Variants in CADPS observed in about 807,000 individuals in gnomAD.
The protein encoded by CADPS is calcium-dependent secretion activator 1.
In CADPS, 57 loss-of-function variants were observed where a neutral mutation model predicts 167.3. That is an observed-to-expected ratio of 0.34 (90% confidence interval 0.28 to 0.42). CADPS has a LOEUF of 0.42. Among genes scored for constraint, CADPS ranks in the 20% least tolerant of loss-of-function variants. CADPS has a pLI of 1.00. For synonymous variants in CADPS, 676 were observed against 635.3 expected (o/e 1.06, Z -0.96); for missense variants, 1,414 against 1,738.1 (o/e 0.81, Z 3.32).
At chr3:62,516,837 G>A (rs2069108972) in intron 14 of CADPS, among the ~76,000 whole-genome samples, 194 bp from the exon 15 acceptor site, 1 of 152,078 alleles carries the variant, frequency 6.6e-6, no homozygotes, top group Non-Finnish European at 1.5e-5. Flanking sequence ...TGTGAATAAT[G>A]ACTAAAGAGG....
intron 28 of CADPS, among the ~76,000 whole-genome samples, chr3:62,409,403 G>A (rs983495967): frequency 1.3e-5 from 2 of 152,244 alleles, no homozygotes; most frequent in Non-Finnish European, 2.9e-5. Context: ...GCCTGAGCTT[G>A]GCTTGGTGTC....
At chr3:62,452,926 C>A (rs2058251830) in intron 26 of CADPS, among the ~76,000 whole-genome samples, 1 of 152,016 alleles carries the variant, frequency 6.6e-6, no homozygotes, top group South Asian at 2.1e-4. Flanking sequence ...CCAGCCTGGG[C>A]AAAATAGGGA....
intron 1 of CADPS, among the ~76,000 whole-genome samples, chr3:62,836,949 C>T (rs1175599764): frequency 2.6e-5 from 4 of 152,110 alleles, no homozygotes; most frequent in African/African-American, 9.7e-5. Context: ...ATCTTTCTAC[C>T]AATATAGATG....
intron 2 of CADPS, among the ~76,000 whole-genome samples, chr3:62,756,581 T>A (rs9631506): frequency 6.6e-6 from 1 of 152,050 alleles, no homozygotes; most frequent in African/African-American, 2.4e-5. Flanking sequence ...ATAATCCTAA[T>A]AATGCCATGC....
intron 10 of CADPS, among the ~76,000 whole-genome samples, chr3:62,555,184 C>T (rs1374112965): frequency 6.6e-6 from 1 of 152,222 alleles, no homozygotes; most frequent in Non-Finnish European, 1.5e-5. Flanking sequence ...GAAGAAGCTG[C>T]TTATTATTCT....
intron 3 of CADPS, among the ~76,000 whole-genome samples, chr3:62,738,375 C>G (rs2079442864): frequency 6.6e-6 from 1 of 152,100 alleles, no homozygotes; most frequent in Admixed American, 6.6e-5. Flanking sequence ...CATGATTGGA[C>G]TTATGTTTCT....
At chr3:62,462,984 G>A (rs961656900) in intron 26 of CADPS, among the ~76,000 whole-genome samples, 1 of 152,216 alleles carries the variant, frequency 6.6e-6, no homozygotes, top group African/African-American at 2.4e-5. Flanking sequence ...GGGTGGCCAA[G>A]TGTGTGGGAG....
At position 62,662,329 on chromosome 3, in the gene CADPS, T is replaced by C; in HGVS notation, c.954A>G (p.Ala318=). ...GTTTCCTTACCCTGGCTATTTGGTC[T>C]GCCATTTGTAGACGTCCATCCAGCT... ...RRELDGRLQM[A]DQIARERKFP... Residue 318 remains alanine (A), a synonymous_variant, in exon 4 of 30, where the codon GCA becomes GCG. Transcript: ENST00000383710. 1.2e-6 allele frequency: 2 copies of C among 1,613,900 alleles called. No individual in the cohort carries two copies. The highest frequency in any genetic ancestry group is 1.7e-6 in the Non-Finnish European group (2 of 1,179,820).
intron 6 of CADPS, among the ~76,000 whole-genome samples, chr3:62,604,459 T>A (rs931700820): frequency 2.0e-5 from 3 of 152,258 alleles, no homozygotes; most frequent in Admixed American, 2.0e-4. Context: ...GAGCCTGTAT[T>A]ATTTTGAAAT....
intron 18 of CADPS, among the ~76,000 whole-genome samples, chr3:62,498,645 C>A (rs956220430): frequency 8.6e-5 from 13 of 151,560 alleles, no homozygotes; most frequent in African/African-American, 3.1e-4. Flanking sequence ...GTTGGAGAAT[C>A]GACAAGTTGA....
At chr3:62,484,579 T>A (rs1028019262) in intron 21 of CADPS, among the ~76,000 whole-genome samples, 17 of 152,186 alleles carry the variant, frequency 1.1e-4, no homozygotes, top group African/African-American at 3.9e-4. Flanking sequence ...TGGGGACTCT[T>A]GAAAAAGAAT....
intron 6 of CADPS, among the ~76,000 whole-genome samples, chr3:62,624,839 C>T (rs1323195388): frequency 6.6e-6 from 1 of 152,026 alleles, no homozygotes; most frequent in Non-Finnish European, 1.5e-5. Flanking sequence ...CATGCCCTGG[C>T]TTGGACCTCC....
intron 1 of CADPS, among the ~76,000 whole-genome samples, chr3:62,821,454 G>T (rs2094912956): frequency 6.6e-6 from 1 of 152,180 alleles, no homozygotes; most frequent in Non-Finnish European, 1.5e-5. Flanking sequence ...CTCTAGGGAA[G>T]AATGTTCTTT....
chr3:62,838,189 A>G (rs778474474), intron 1 of CADPS, among the ~76,000 whole-genome samples: 1 of 152,194 alleles, frequency 6.6e-6, no homozygotes, highest in Non-Finnish European at 1.5e-5. Context: ...CATTCGGCGC[A>G]TATATTACTG....
In CADPS at chr3:62,487,983, A is replaced by G. The variant is rs898547887; in HGVS notation, c.3026+3356T>C. ...TTCATTACAATGCATTTCTCATTTT[A>G]CTTATAACGAGGTGCTTATAAATTT... On this transcript the variant is annotated intron_variant, in intron 21 of 29. Transcript: ENST00000383710. 1.4e-4 allele frequency among the ~76,000 whole-genome samples: 21 copies of G among 152,282 alleles called. No individual in the cohort carries two copies. The South Asian group carries it at 2.1e-3, about 15-fold the overall frequency.
At chr3:62,651,772 C>A (rs1483251226) in intron 4 of CADPS, among the ~76,000 whole-genome samples, 1 of 152,170 alleles carries the variant, frequency 6.6e-6, no homozygotes, top group Non-Finnish European at 1.5e-5. Flanking sequence ...TCTAAGTCAC[C>A]TGGAATGTGC....
Position 62,830,006 on chromosome 3 carries a change from G to A in CADPS, c.441+44583C>T, listed in dbSNP as rs553122954. On this transcript the variant is annotated intron_variant, in intron 1 of 29. Transcript: ENST00000383710. ...GTCTTCTGTCTACCACCACCATGTGGGTAAGTGGGTGGGTAGTTAGGTGGG... is the reference window on the plus strand; with the variant it reads ...GTCTTCTGTCTACCACCACCATGTGAGTAAGTGGGTGGGTAGTTAGGTGGG... Among the ~76,000 whole-genome samples, 148 of 152,242 alleles carry A rather than the reference G, an allele frequency of 9.7e-4. 2 individuals are homozygous for A. Among genetic ancestry groups the A allele is most frequent in the African/African-American group, 3.4e-3 (141 of 41,530 alleles).
At chr3:62,673,076 T>A (rs2075810074) in intron 3 of CADPS, among the ~76,000 whole-genome samples, 1 of 152,212 alleles carries the variant, frequency 6.6e-6, no homozygotes, top group Admixed American at 6.5e-5. Context: ...TTTGTGTGAT[T>A]TGCTTCTTGG....
chr3:62,550,239 C>T lies in CADPS; in HGVS notation c.1754-124G>A, dbSNP rs939173478. 3.5e-5 allele frequency: 24 copies of T among 681,368 alleles called. No individual in the cohort carries two copies. In the African/African-American group the frequency reaches 3.6e-4, roughly 10 times the overall value. The allele number at this position is 681,368 out of a possible 1,614,324, so 42.2% of individuals were successfully genotyped here. A position where few individuals can be genotyped will look rare whatever the true frequency, so the allele number is the denominator to read the frequency against. ...GACAGAAGAGGGGGGTAGTGATTAACTTAGGATGGGAAGTCTGAGATTCAC... is the reference window on the plus strand; with the variant it reads ...GACAGAAGAGGGGGGTAGTGATTAATTTAGGATGGGAAGTCTGAGATTCAC... On this transcript the variant is annotated intron_variant, in intron 10 of 29. Transcript: ENST00000383710.
Sources: allele counts gnomAD v4.1 joint callset (sites outside exome capture counted in the v4.1 genomes callset), GRCh38; gene constraint gnomAD v4.1.1; transcripts MANE v1.5; gene names NCBI Gene and HGNC (gene_info 2026-07-23, HGNC 2026-07-21).